SGCZ: variants seen among roughly 807,000 people sequenced by gnomAD.
SGCZ encodes sarcoglycan zeta.
SGCZ carries 40 observed loss-of-function variants against 41.3 expected under a neutral mutation model. That is an observed-to-expected ratio of 0.97 (90% CI 0.75 to 1.26). SGCZ has a LOEUF of 1.26. SGCZ is among the 50% of genes most tolerant of loss of function. SGCZ has a pLI of 0.00. For missense variants in SGCZ, 552 were observed against 369.8 expected (o/e 1.49, Z -4.04); for synonymous variants, 206 against 137.5 (o/e 1.50, Z -3.49).
chr8:14,936,852 C>A (rs1362255256), intron 1 of SGCZ, among the ~76,000 whole-genome samples: 1 of 151,664 alleles, frequency 6.6e-6, no homozygotes, highest in Non-Finnish European at 1.5e-5. Flanking sequence ...CAAAATATTC[C>A]ATTTTAATGG....
rs1400055174 is a variant in SGCZ, at chr8:15,072,090, C to A, written c.39+165495G>T. Among the ~76,000 whole-genome samples, 4 of 152,140 alleles carry A rather than the reference C, an allele frequency of 2.6e-5. No homozygotes were observed. The East Asian group carries it at 7.7e-4, about 29-fold the overall frequency. Reference sequence around the variant, plus strand: ...ACCCATTCAAAGTCTGTTCCTCCTTCCTCAACAACTGAACTGGCTGCAGGT... The same window carrying A: ...ACCCATTCAAAGTCTGTTCCTCCTTACTCAACAACTGAACTGGCTGCAGGT... On this transcript the variant is annotated intron_variant, in intron 1 of 7. Transcript: ENST00000382080.
chr8:14,590,910 C>T (rs28493934), intron 1 of SGCZ, among the ~76,000 whole-genome samples: 30,062 of 148,954 alleles, frequency 0.2, 3,701 homozygotes, highest in Non-Finnish European at 0.27. Flanking sequence ...AAAGTACATA[C>T]ACTATATATG....
chr8:14,811,496 C>T (rs980388976), intron 1 of SGCZ, among the ~76,000 whole-genome samples: 2 of 123,250 alleles, frequency 1.6e-5, no homozygotes, highest in African/African-American at 6.2e-5. Context: ...TACCATGAAA[C>T]ATTCGCTGAA....
chr8:15,137,725 G>C (rs940022261), intron 1 of SGCZ, among the ~76,000 whole-genome samples: 7 of 152,218 alleles, frequency 4.6e-5, no homozygotes, highest in African/African-American at 1.7e-4. Flanking sequence ...GGAAACCTCT[G>C]CTTAGATTTC....
intron 1 of SGCZ, among the ~76,000 whole-genome samples, chr8:14,708,221 G>A (rs1306207846): frequency 1.3e-5 from 2 of 151,800 alleles, no homozygotes; most frequent in South Asian, 2.1e-4. Context: ...AAACCCCAGA[G>A]TAGACTATTT....
At chr8:14,508,247 T>A (rs1802366618) in intron 2 of SGCZ, among the ~76,000 whole-genome samples, 1 of 152,158 alleles carries the variant, frequency 6.6e-6, no homozygotes, top group Admixed American at 6.5e-5. Flanking sequence ...TATTGGACTC[T>A]TTTGCTCCCT....
intron 5 of SGCZ, among the ~76,000 whole-genome samples, chr8:14,158,790 A>G (rs1334571217): frequency 6.6e-6 from 1 of 152,134 alleles, no homozygotes; most frequent in Non-Finnish European, 1.5e-5. Flanking sequence ...TTGTTTTGAG[A>G]TGGAGTCTCA....
chr8:14,243,963 T>A (rs571675297), intron 3 of SGCZ, among the ~76,000 whole-genome samples: 7 of 152,318 alleles, frequency 4.6e-5, no homozygotes, highest in South Asian at 2.1e-4. Flanking sequence ...GTTTTTCTCA[T>A]ACAGACTTTT....
intron 2 of SGCZ, among the ~76,000 whole-genome samples, chr8:14,533,560 A>C (rs1803203137): frequency 6.6e-6 from 1 of 152,032 alleles, no homozygotes; most frequent in Non-Finnish European, 1.5e-5. Flanking sequence ...TTTTGTTTCA[A>C]AGAAACTCAT....
At chr8:15,036,939 T>C (rs1390158256) in intron 1 of SGCZ, among the ~76,000 whole-genome samples, 2 of 152,120 alleles carry the variant, frequency 1.3e-5, no homozygotes, top group East Asian at 1.9e-4. Context: ...TGGAATAATA[T>C]ACGAAAATCT....
chr8:15,145,216 T>G (rs560877), intron 1 of SGCZ, among the ~76,000 whole-genome samples: 2 of 152,172 alleles, frequency 1.3e-5, no homozygotes, highest in African/African-American at 4.8e-5. Flanking sequence ...TTATACATTC[T>G]CTTTTGTACC....
At chr8:14,960,024 T>A (rs1415638952) in intron 1 of SGCZ, among the ~76,000 whole-genome samples, 1 of 152,190 alleles carries the variant, frequency 6.6e-6, no homozygotes, top group Non-Finnish European at 1.5e-5. Flanking sequence ...TTTACTTTGC[T>A]GCCAAATCTT....
chr8:15,109,957 C>T (rs7009607), intron 1 of SGCZ, among the ~76,000 whole-genome samples: 19,972 of 152,078 alleles, frequency 0.13, 2,020 homozygotes, highest in African/African-American at 0.29. Flanking sequence ...TTTAATGTTA[C>T]AGTCACTAAA....
chr8:14,101,147 G>C (rs923031649), intron 7 of SGCZ, among the ~76,000 whole-genome samples: 3 of 152,010 alleles, frequency 2.0e-5, no homozygotes, highest in African/African-American at 7.2e-5. Context: ...GAGACTGCTA[G>C]ACATTAAAAA....
In SGCZ at chr8:15,138,698, G is replaced by A. The variant is rs117668280; in HGVS notation, c.39+98887C>T. On this transcript the variant is annotated intron_variant, in intron 1 of 7. Coordinates refer to ENST00000382080, the MANE Select transcript of SGCZ (RefSeq NM_139167.4). ...CCATGATTGTAAGTTTCCTGAAGCC[G>A]CCTCAGCCATGCTGAACTGTGAGTC... Among the ~76,000 whole-genome samples, 262 of 152,236 alleles carry A rather than the reference G, an allele frequency of 1.7e-3. 3 individuals are homozygous for A. In the East Asian group the frequency reaches 0.04, roughly 23 times the overall value.
At chr8:14,422,574 G>A (rs74522279) in intron 2 of SGCZ, among the ~76,000 whole-genome samples, 1,660 of 152,244 alleles carry the variant, frequency 0.011, 19 homozygotes, top group Middle Eastern at 0.024. Flanking sequence ...TATGTGGAGC[G>A]ACTTTTCTGC....
At chr8:14,894,122 C>T (rs1294767489) in intron 1 of SGCZ, among the ~76,000 whole-genome samples, 1 of 152,032 alleles carries the variant, frequency 6.6e-6, no homozygotes, top group East Asian at 1.9e-4. Context: ...TGACATGCAT[C>T]TGAGTTTTAA....
At chr8:14,996,118 T>G (rs1480305442) in intron 1 of SGCZ, among the ~76,000 whole-genome samples, 6 of 152,174 alleles carry the variant, frequency 3.9e-5, no homozygotes, top group Non-Finnish European at 8.8e-5. Flanking sequence ...TTAGCCAGGA[T>G]GGTCTGGATT....
At chr8:14,839,941 A>G (rs1234789742) in intron 1 of SGCZ, among the ~76,000 whole-genome samples, 2 of 152,254 alleles carry the variant, frequency 1.3e-5, no homozygotes, top group East Asian at 3.9e-4. Context: ...TGCAAGATGT[A>G]TATTCTAATT....
Sources: gnomAD v4.1 joint callset for allele counts (sites outside exome capture counted in the v4.1 genomes callset) on GRCh38, gnomAD v4.1.1 for gene constraint, MANE v1.5 for transcripts, NCBI Gene and HGNC (gene_info 2026-07-23, HGNC 2026-07-21) for gene names.